Variants in QNG1 observed in about 807,000 individuals in gnomAD.
QNG1 encodes the protein queuosine 5'-phosphate N-glycosylase/hydrolase.
chr9:83,955,518 C>G, the QNG1 span: 2 of 1,614,200 alleles, frequency 1.2e-6, no homozygotes, highest in Non-Finnish European at 1.7e-6. Flanking sequence ...TTCCCGGTTT[C>G]ATTGAGAATC....
chr9:83,947,417 C>T, the QNG1 span, among the ~76,000 whole-genome samples: 5 of 152,148 alleles, frequency 3.3e-5, no homozygotes, highest in East Asian at 9.6e-4. Context: ...TATTGCTTAA[C>T]CTTAAGATAT....
chr9:83,944,628 AG>A, the QNG1 span, among the ~76,000 whole-genome samples: 1 of 152,254 alleles, frequency 6.6e-6, no homozygotes, highest in East Asian at 1.9e-4. Context: ...GTAAACAAAA[AG>A]AAAAATCATT....
chr9:83,939,858 T>C, the QNG1 span: 1 of 691,652 alleles, frequency 1.4e-6, no homozygotes, highest in Non-Finnish European at 2.5e-6. Context: ...AAACTGTAAA[T>C]CTCAGACGTT....
the QNG1 span, among the ~76,000 whole-genome samples, chr9:83,952,652 G>A: frequency 1.4e-3 from 220 of 152,104 alleles, 1 homozygote; most frequent in Non-Finnish European, 2.4e-3. Context: ...AAAATTAGCC[G>A]CGCGTGGTGG....
the QNG1 span, chr9:83,945,040 ATATGC>A: frequency 7.3e-7 from 1 of 1,376,448 alleles, no homozygotes; most frequent in African/African-American, 1.5e-5. Context: ...AAAGCTTTAT[ATATGC>A]TATTTTTTAA....
At chr9:83,956,361 T>A in the QNG1 span, 4 of 1,609,898 alleles carry the variant, frequency 2.5e-6, no homozygotes, top group South Asian at 4.4e-5. Context: ...TTTCCACCCC[T>A]CCACGCGCAG....
chr9:83,947,671 G>A, the QNG1 span, among the ~76,000 whole-genome samples: 67 of 152,266 alleles, frequency 4.4e-4, no homozygotes, highest in Admixed American at 1.8e-3. Flanking sequence ...TCGCCGCCAC[G>A]CCTGACTGGT....
At chr9:83,939,170 T>C in the QNG1 span, 18 of 234,042 alleles carry the variant, frequency 7.7e-5, no homozygotes, top group Non-Finnish European at 1.4e-4. Context: ...ACCTTCTGAG[T>C]TCAAGCGATT....
the QNG1 span, among the ~76,000 whole-genome samples, chr9:83,953,244 T>A: frequency 4.6e-5 from 7 of 152,326 alleles, no homozygotes; most frequent in Admixed American, 2.6e-4. Context: ...TGGTACATTT[T>A]TTAAAAATTG....
the QNG1 span, among the ~76,000 whole-genome samples, chr9:83,947,723 C>G: frequency 1.3e-5 from 2 of 152,206 alleles, no homozygotes; most frequent in East Asian, 3.9e-4. Context: ...CCGTGTTGGC[C>G]GGGCTGGTCT....
At chr9:83,941,612 A>G in the QNG1 span, among the ~76,000 whole-genome samples, 563 of 152,300 alleles carry the variant, frequency 3.7e-3, 1 homozygote, top group African/African-American at 0.011. Flanking sequence ...GAAAGCAAGC[A>G]AGAAAAGAAG....
chr9:83,942,211 A>G, the QNG1 span, among the ~76,000 whole-genome samples: 1 of 152,238 alleles, frequency 6.6e-6, no homozygotes, highest in African/African-American at 2.4e-5. Context: ...TAACTAATGC[A>G]GCAACTTACA....
chr9:83,955,249 G>T, the QNG1 span: 1 of 920,232 alleles, frequency 1.1e-6, no homozygotes, highest in Non-Finnish European at 1.6e-6. Context: ...AACACTACTT[G>T]ATTTTGTTAG....
the QNG1 span, chr9:83,956,635 G>A: frequency 1.5e-6 from 1 of 688,450 alleles, no homozygotes; most frequent in South Asian, 2.4e-5. Flanking sequence ...GAGTGGCACC[G>A]AGAACTTAGT....
At chr9:83,956,536 C>G in the QNG1 span, 2 of 1,504,422 alleles carry the variant, frequency 1.3e-6, no homozygotes, top group Non-Finnish European at 1.8e-6. Context: ...AAACTCTTCC[C>G]GCCCTAGGCG....
the QNG1 span, chr9:83,938,575 A>C: frequency 6.6e-6 from 1 of 152,182 alleles, no homozygotes; most frequent in Admixed American, 6.6e-5. Flanking sequence ...AAATATTATC[A>C]CTGAAGATTA....
chr9:83,949,578 C>A, the QNG1 span, among the ~76,000 whole-genome samples: 1 of 151,940 alleles, frequency 6.6e-6, no homozygotes, highest in Admixed American at 6.6e-5. Flanking sequence ...CCCGGGAGGC[C>A]GAAGTTGTGA....
At chr9:83,955,082 C>CA in the QNG1 span, among the ~76,000 whole-genome samples, 1 of 151,376 alleles carries the variant, frequency 6.6e-6, no homozygotes, top group South Asian at 2.1e-4. Context: ...CCCTGTAATC[C>CA]AAGCTACTCG....
chr9:83,946,065 G>T, the QNG1 span, among the ~76,000 whole-genome samples: 2 of 151,924 alleles, frequency 1.3e-5, no homozygotes, highest in Non-Finnish European at 2.9e-5. Context: ...CCAGCACTTT[G>T]GGAGACTGAG....
Sources: allele counts gnomAD v4.1 joint callset (sites outside exome capture counted in the v4.1 genomes callset), GRCh38; gene constraint gnomAD v4.1.1; transcripts MANE v1.5; gene names NCBI Gene and HGNC (gene_info 2026-07-23, HGNC 2026-07-21).